PGAM1: variants seen among roughly 807,000 people sequenced by gnomAD.
PGAM1 encodes the protein BPG-dependent PGAM 1.
PGAM1 carries 21 observed loss-of-function variants against 23.5 expected under a neutral mutation model. The ratio of observed to expected loss-of-function variants is 0.89; its 90% confidence interval spans 0.63 to 1.29. PGAM1 has a LOEUF of 1.29. Among genes scored for constraint, PGAM1 ranks in the 50% most tolerant of loss-of-function variants. The pLI, the probability that PGAM1 is intolerant of heterozygous loss-of-function variation, is 0.00. For missense variants in PGAM1, 232 were observed against 336.3 expected, an observed-to-expected ratio of 0.69 and a Z score of 2.42; for synonymous variants, 109 against 128.6, an observed-to-expected ratio of 0.85 and a Z score of 1.03.
intron 2 of PGAM1, 129 bp from the exon 3 acceptor site, chr10:97,430,826 T>G: frequency 6.7e-7 from 1 of 1,486,832 alleles, no homozygotes; most frequent in Non-Finnish European, 9.3e-7. Flanking sequence ...ACTATCTCCT[T>G]TTTTGTGTTT....
chr10:97,427,585 G>C, intron 1 of PGAM1: 1 of 1,169,894 alleles, frequency 8.5e-7, no homozygotes, highest in Non-Finnish European at 1.1e-6. Flanking sequence ...GTGAGGAACT[G>C]GTAGGCTTTT....
chr10:97,427,417 C>A, intron 1 of PGAM1: 1 of 1,010,858 alleles, frequency 9.9e-7, no homozygotes, highest in Non-Finnish European at 1.2e-6. Flanking sequence ...GTTGCTCCTT[C>A]TACCCAATAA....
Position 97,430,406 on chromosome 10 carries a change from T to C in PGAM1, c.167T>C (p.Phe56Ser). 6.2e-7 allele frequency: 1 copy of C among 1,611,528 alleles called. No individual in the cohort carries two copies. The highest frequency in any genetic ancestry group is 8.5e-7 in the Non-Finnish European group (1 of 1,179,850). The change falls in exon 2 of 4, where the codon TTC becomes TCC. Residue 56 changes from phenylalanine (F) to serine (S), a missense_variant. Phe to Ser is a radical substitution (Grantham distance 155). Around this residue, in one of 3 missense-constraint regions of PGAM1, gnomAD observed 191 missense variants for 241.7 expected, o/e 0.79. Coordinates refer to ENST00000334828, the MANE Select transcript of PGAM1 (RefSeq NM_002629.4). ...GCTGGCTATGAGTTTGACATCTGCT[T>C]CACCTCAGTGCAGAAGAGAGCGATC... ...RDAGYEFDIC[F>S]TSVQKRAIRT...
At chr10:97,429,794 C>G (rs1845448178) in intron 1 of PGAM1, among the ~76,000 whole-genome samples, 1 of 151,962 alleles carries the variant, frequency 6.6e-6, no homozygotes, top group Non-Finnish European at 1.5e-5. Context: ...GGATTTAAAT[C>G]CTAATTTTCT....
intron 1 of PGAM1, chr10:97,427,222 G>A (rs142921034): frequency 3.1e-6 from 3 of 971,154 alleles, no homozygotes; most frequent in Admixed American, 1.2e-4. Flanking sequence ...GGATCCTAGC[G>A]GATCGACACG....
chr10:97,427,404 C>G, intron 1 of PGAM1: 1 of 1,004,976 alleles, frequency 1.0e-6, no homozygotes, highest in Non-Finnish European at 1.2e-6. Context: ...ATGAATGATT[C>G]GAGTTGCTCC....
intron 2 of PGAM1, 133 bp downstream of exon 2, chr10:97,430,786 T>G (rs1411246726): frequency 6.8e-7 from 1 of 1,474,872 alleles, no homozygotes; most frequent in Non-Finnish European, 9.4e-7. Flanking sequence ...TGAATGACCT[T>G]CACTTACTAG....
intron 1 of PGAM1, chr10:97,427,200 A>G (rs763036818): frequency 6.8e-6 from 6 of 887,856 alleles, no homozygotes; most frequent in Non-Finnish European, 8.1e-6. Flanking sequence ...AGGCCTCTCA[A>G]GAGGCGGCTA....
intron 3 of PGAM1, among the ~76,000 whole-genome samples, chr10:97,431,630 C>G (rs1399561764): frequency 6.6e-6 from 1 of 152,046 alleles, no homozygotes; most frequent in Non-Finnish European, 1.5e-5. Context: ...TTTTAAAAGG[C>G]CAAGCACAGT....
chr10:97,432,045 G>A (rs925441791), intron 3 of PGAM1, among the ~76,000 whole-genome samples: 23 of 152,138 alleles, frequency 1.5e-4, no homozygotes, highest in East Asian at 1.9e-4. Flanking sequence ...GGCTGTACAG[G>A]GTATTTGAGA....
intron 3 of PGAM1, 87 bp from the exon 4 acceptor site, chr10:97,432,268 G>A: frequency 2.6e-6 from 4 of 1,564,172 alleles, no homozygotes; most frequent in Non-Finnish European, 3.5e-6. Flanking sequence ...TTCTGTCAAA[G>A]TCCTTTATCA....
chr10:97,427,552 C>T, intron 1 of PGAM1: 2 of 1,148,224 alleles, frequency 1.7e-6, no homozygotes, highest in South Asian at 3.7e-5. Context: ...TCGCCCTAGT[C>T]CTGGGTGAAG....
chr10:97,431,281 A>G (rs1277169939), intron 3 of PGAM1, 146 bp downstream of exon 3: 3 of 956,324 alleles, frequency 3.1e-6, no homozygotes, highest in Non-Finnish European at 4.9e-6. Context: ...GTGAAAAAAC[A>G]CCCTCAACCC....
At chr10:97,430,313 T>C (rs1845455308) in intron 1 of PGAM1, 66 bp from the exon 2 acceptor site, 5 of 1,579,374 alleles carry the variant, frequency 3.2e-6, no homozygotes, top group Non-Finnish European at 4.3e-6. Context: ...AGGAGATTGA[T>C]ACTGAAGAAC....
In PGAM1 at chr10:97,433,123, A is replaced by C. The variant is rs1383253605; in HGVS notation, c.*599A>C. 1 of 153,066 alleles carries C rather than the reference A, an allele frequency of 6.5e-6. No individual in the cohort carries two copies. The highest frequency in any genetic ancestry group is 2.4e-5 in the African/African-American group (1 of 40,874). The allele number at this position is 153,066 out of a possible 1,614,324, so 9.5% of individuals were successfully genotyped here. A position where few individuals can be genotyped will look rare whatever the true frequency, so the allele number is the denominator to read the frequency against. ...ATAGTATATATAATACAAAACAATA[A>C]CCCTTCTGGGGTTTCTTGTGGCGGT... is the stretch of plus-strand genomic sequence containing the variant. On this transcript the variant is annotated 3_prime_UTR_variant, in exon 4 of 4. Coordinates refer to ENST00000334828, the MANE Select transcript of PGAM1 (RefSeq NM_002629.4).
chr10:97,426,528 G>C (rs1845412066), intron 1 of PGAM1, 82 bp downstream of exon 1: 1 of 1,460,312 alleles, frequency 6.8e-7, no homozygotes, highest in Non-Finnish European at 9.1e-7. Context: ...CGCCCTCTCG[G>C]AGAGGGCCGG....
chr10:97,428,120 ATGT>A, intron 1 of PGAM1, among the ~76,000 whole-genome samples: 1 of 152,310 alleles, frequency 6.6e-6, no homozygotes, highest in East Asian at 1.9e-4. Flanking sequence ...ACGTTAAACC[ATGT>A]TGTCTCTGTT....
At chr10:97,427,983 G>T in intron 1 of PGAM1, 1 of 1,248,350 alleles carries the variant, frequency 8.0e-7, no homozygotes, top group Non-Finnish European at 1.1e-6. Context: ...GTTTGAGATG[G>T]CCTGGTGTGA....
chr10:97,427,723 A>G, intron 1 of PGAM1: 2 of 1,253,682 alleles, frequency 1.6e-6, no homozygotes, highest in Non-Finnish European at 2.1e-6. Flanking sequence ...TGCTGCCGGC[A>G]CGGCCAAGAA....
Sources: allele counts gnomAD v4.1 joint callset (sites outside exome capture counted in the v4.1 genomes callset), GRCh38; gene constraint gnomAD v4.1.1; regional missense constraint gnomAD v4.1.1; transcripts MANE v1.5; gene names NCBI Gene and HGNC (gene_info 2026-07-23, HGNC 2026-07-21).